The following EIF3H variants were observed in gnomAD, a reference collection of about 807,000 sequenced individuals.
EIF3H encodes eIF-3-gamma.
Under a neutral mutation model 44.2 loss-of-function variants are expected in EIF3H, and 26 were observed. The observed-to-expected ratio is 0.59, with a 90% CI of 0.43 to 0.82. EIF3H has a LOEUF of 0.82. Ranked by LOEUF, EIF3H falls within the 40% of genes least tolerant of loss-of-function variation. The pLI is 0.00. For missense variants in EIF3H, 359 were observed against 432.8 expected, an observed-to-expected ratio of 0.83 and a Z score of 1.51; for synonymous variants, 166 against 151.9, an observed-to-expected ratio of 1.09 and a Z score of -0.68.
intron 2 of EIF3H, among the ~76,000 whole-genome samples, chr8:116,703,204 A>G (rs1586465175): frequency 6.6e-6 from 1 of 152,308 alleles, no homozygotes. Context: ...CTACCATTAT[A>G]ACCTAGGAAA....
chr8:116,665,156 A>G (rs1374472113), intron 2 of EIF3H, among the ~76,000 whole-genome samples: 1 of 152,242 alleles, frequency 6.6e-6, no homozygotes, highest in Non-Finnish European at 1.5e-5. Context: ...ATTATTTCTG[A>G]ATCATTGAAG....
intron 3 of EIF3H, among the ~76,000 whole-genome samples, chr8:116,658,005 A>T (rs1257008618): frequency 6.6e-6 from 1 of 152,230 alleles, no homozygotes; most frequent in Non-Finnish European, 1.5e-5. Flanking sequence ...AACTTTTAGC[A>T]ATAGGTGATA....
intron 6 of EIF3H, among the ~76,000 whole-genome samples, chr8:116,647,490 A>G (rs1464007849): frequency 2.0e-5 from 3 of 152,244 alleles, no homozygotes; most frequent in Admixed American, 6.5e-5. Flanking sequence ...TGCTTCAAAT[A>G]CTTTCAAACT....
intron 2 of EIF3H, among the ~76,000 whole-genome samples, chr8:116,717,961 C>T (rs999784401): frequency 6.6e-6 from 1 of 151,980 alleles, no homozygotes; most frequent in African/African-American, 2.4e-5. Context: ...ACAGACAACC[C>T]AGAGTGGGAG....
At chr8:116,729,923 A>G (rs1312272858) in intron 1 of EIF3H, among the ~76,000 whole-genome samples, 1 of 152,212 alleles carries the variant, frequency 6.6e-6, no homozygotes, top group East Asian at 1.9e-4. Flanking sequence ...CTAGTACTGA[A>G]GGCTGTCCAA....
At chr8:116,663,021 G>A (rs60057382) in intron 2 of EIF3H, among the ~76,000 whole-genome samples, 2 of 152,128 alleles carry the variant, frequency 1.3e-5, no homozygotes, top group African/African-American at 2.4e-5. Flanking sequence ...ATGAGGGAGG[G>A]AAGAAGCCTC....
chr8:116,666,963 A>G (rs1412926668), intron 2 of EIF3H, among the ~76,000 whole-genome samples: 6 of 152,188 alleles, frequency 3.9e-5, no homozygotes, highest in Non-Finnish European at 5.9e-5. Flanking sequence ...GTGTGTGTGC[A>G]TACACCTGTG....
At chr8:116,703,199 A>C (rs1054666569) in intron 2 of EIF3H, among the ~76,000 whole-genome samples, 4 of 152,188 alleles carry the variant, frequency 2.6e-5, no homozygotes, top group African/African-American at 7.2e-5. Flanking sequence ...TTCTTCTACC[A>C]TTATAACCTA....
intron 2 of EIF3H, among the ~76,000 whole-genome samples, chr8:116,721,179 T>C (rs1207719176): frequency 1.3e-5 from 2 of 152,110 alleles, no homozygotes; most frequent in East Asian, 1.9e-4. Context: ...CTTGGTGGCC[T>C]ACCTCCTAGC....
At chr8:116,717,333 T>G (rs1390221591) in intron 2 of EIF3H, among the ~76,000 whole-genome samples, 1 of 152,070 alleles carries the variant, frequency 6.6e-6, no homozygotes, top group Admixed American at 6.6e-5. Context: ...CCAAAAGCAA[T>G]CTACAAATTC....
chr8:116,683,046 A>G (rs1814016432), intron 2 of EIF3H, among the ~76,000 whole-genome samples: 1 of 152,360 alleles, frequency 6.6e-6, no homozygotes, highest in East Asian at 1.9e-4. Flanking sequence ...AAAAATTTCA[A>G]TAGACATCCC....
chr8:116,735,669 A>C (rs1815022692), intron 1 of EIF3H, among the ~76,000 whole-genome samples: 1 of 152,066 alleles, frequency 6.6e-6, no homozygotes, highest in Non-Finnish European at 1.5e-5. Flanking sequence ...CACCACCACC[A>C]CATAATGAGT....
rs1222203868 is a variant in EIF3H at position 116,679,116 on chromosome 8, G to T, written c.290-20136C>A. 4.7e-5 allele frequency among the ~76,000 whole-genome samples: 3 copies of T among 63,992 alleles called. 1 individual carries two copies. Among genetic ancestry groups the T allele is most frequent in the Non-Finnish European group, 1.3e-4 (3 of 22,772 alleles). 42.0% of individuals were successfully genotyped at this position (63,992 alleles called of 152,430 possible). On this transcript the variant is annotated intron_variant, in intron 2 of 7. Transcript: ENST00000521861. Reference sequence around the variant, plus strand: ...GCCAGCCTCCCCGTCCGGGAGGGGGGAGGGGGGGTCAGCCCCCTGCCCGGC... The same window carrying T: ...GCCAGCCTCCCCGTCCGGGAGGGGGTAGGGGGGGTCAGCCCCCTGCCCGGC...
At chr8:116,748,198 C>A (rs1195453639) in intron 1 of EIF3H, among the ~76,000 whole-genome samples, 2 of 150,866 alleles carry the variant, frequency 1.3e-5, no homozygotes, top group Non-Finnish European at 3.0e-5. Context: ...AAATAAAAAA[C>A]AAAGTACTTC....
chr8:116,714,069 T>C (rs1324206277), intron 2 of EIF3H, among the ~76,000 whole-genome samples: 2 of 152,112 alleles, frequency 1.3e-5, no homozygotes, highest in East Asian at 1.9e-4. Context: ...TCTACCTGGA[T>C]ACTAAAGCAA....
intron 2 of EIF3H, among the ~76,000 whole-genome samples, chr8:116,659,317 T>C (rs1406477099): frequency 6.6e-6 from 1 of 152,206 alleles, no homozygotes; most frequent in Non-Finnish European, 1.5e-5. Context: ...TAAGAAAAAT[T>C]TGTGTAATTA....
At chr8:116,716,388 A>C (rs1241815797) in intron 2 of EIF3H, among the ~76,000 whole-genome samples, 1 of 152,246 alleles carries the variant, frequency 6.6e-6, no homozygotes, top group South Asian at 2.1e-4. Flanking sequence ...CTAAAACTAA[A>C]GCAAAAACTA....
chr8:116,655,930 G>C lies in EIF3H; in HGVS notation c.633C>G (p.Ile211Met), dbSNP rs1421997165. The C allele has an allele frequency of 6.2e-7, 1 of 1,613,422 alleles. No homozygotes were observed. Among genetic ancestry groups the C allele is most frequent in the Non-Finnish European group, 8.5e-7 (1 of 1,179,614 alleles). Residue 211 changes from isoleucine (I) to methionine (M), a missense_variant, in exon 5 of 8, where the codon ATC (isoleucine) becomes ATG (methionine). By Grantham distance (10) the Ile-to-Met change is conservative. Coordinates refer to ENST00000521861, the MANE Select transcript of EIF3H (RefSeq NM_003756.3). ...TTTCAAGTTCCCACATTAGGACATT[G>C]ATCAGATGTGAATTTTTAATTACAA... ...VPIVIKNSHL[I>M]NVLMWELEKK...
intron 2 of EIF3H, among the ~76,000 whole-genome samples, chr8:116,690,843 T>C (rs1814162177): frequency 6.6e-6 from 1 of 152,202 alleles, no homozygotes; most frequent in Non-Finnish European, 1.5e-5. Context: ...TAAAAACAGG[T>C]AGAAAATACT....
Sources: gnomAD v4.1 joint callset for allele counts (sites outside exome capture counted in the v4.1 genomes callset) on GRCh38, gnomAD v4.1.1 for gene constraint, MANE v1.5 for transcripts, NCBI Gene and HGNC (gene_info 2026-07-23, HGNC 2026-07-21) for gene names.